RIT2: variants seen among roughly 807,000 people sequenced by gnomAD.
RIT2 encodes GTP-binding protein Rit2.
Under a neutral mutation model 23.7 loss-of-function variants are expected in RIT2, and 24 were observed. The ratio of observed to expected loss-of-function variants is 1.01; its 90% CI spans 0.73 to 1.43. The LOEUF (loss-of-function observed/expected upper bound fraction) is 1.43, where lower values mean the gene tolerates loss of function less well. Ranked by LOEUF, RIT2 falls within the 40% of genes most tolerant of loss-of-function variation. The pLI is 0.00. For synonymous variants in RIT2, 107 were observed against 91.1 expected (o/e 1.17, Z -0.99); for missense variants, 236 against 266.9 (o/e 0.88, Z 0.81).
At chr18:43,028,920 C>G (rs895101759) in intron 2 of RIT2, among the ~76,000 whole-genome samples, 1 of 151,984 alleles carries the variant, frequency 6.6e-6, no homozygotes, top group Non-Finnish European at 1.5e-5. Flanking sequence ...TAGTATTTTT[C>G]TAAATTCCTA....
At chr18:43,070,997 A>C (rs925725069) in intron 1 of RIT2, among the ~76,000 whole-genome samples, 1 of 152,178 alleles carries the variant, frequency 6.6e-6, no homozygotes, top group Non-Finnish European at 1.5e-5. Context: ...AAACAACTTA[A>C]TATAGGAACA....
intron 1 of RIT2, among the ~76,000 whole-genome samples, chr18:43,113,079 G>T (rs1913990427): frequency 6.6e-6 from 1 of 152,110 alleles, no homozygotes; most frequent in Non-Finnish European, 1.5e-5. Flanking sequence ...AGGCTCAAAT[G>T]AGATAAAATA....
intron 3 of RIT2, among the ~76,000 whole-genome samples, chr18:42,970,662 T>A (rs1031284952): frequency 6.6e-6 from 1 of 152,032 alleles, no homozygotes; most frequent in Admixed American, 6.6e-5. Context: ...GAATTTTTGA[T>A]CCTTTATGGT....
At chr18:43,029,564 G>C (rs1349546405) in intron 2 of RIT2, among the ~76,000 whole-genome samples, 2 of 151,500 alleles carry the variant, frequency 1.3e-5, no homozygotes, top group African/African-American at 2.4e-5. Context: ...AATGCAATGA[G>C]ACAAAAAAAA....
intron 1 of RIT2, among the ~76,000 whole-genome samples, chr18:43,093,460 C>A (rs1269717407): frequency 6.6e-6 from 1 of 152,042 alleles, no homozygotes; most frequent in Non-Finnish European, 1.5e-5. Flanking sequence ...TTATTACTAT[C>A]AGCAATTTAT....
intron 2 of RIT2, among the ~76,000 whole-genome samples, chr18:43,018,455 A>G (rs1160508225): frequency 6.6e-6 from 1 of 152,038 alleles, no homozygotes; most frequent in Non-Finnish European, 1.5e-5. Context: ...ATAAAAATAC[A>G]TACCATTAAA....
chr18:42,834,492 C>G (rs903026457), intron 4 of RIT2, among the ~76,000 whole-genome samples: 4 of 151,966 alleles, frequency 2.6e-5, no homozygotes, highest in Non-Finnish European at 5.9e-5. Flanking sequence ...TTATTTATAC[C>G]TGCAATGATG....
chr18:43,100,222 T>TGCTTGAAAAA (rs1211062918), intron 1 of RIT2, among the ~76,000 whole-genome samples: 1 of 152,086 alleles, frequency 6.6e-6, no homozygotes, highest in Non-Finnish European at 1.5e-5. Context: ...AGGAGAGAGA[T>TGCTTGAAAAA]GCTTGAAAAA....
chr18:43,006,012 T>A, intron 2 of RIT2, among the ~76,000 whole-genome samples: 1 of 151,694 alleles, frequency 6.6e-6, no homozygotes, highest in East Asian at 2.0e-4. Context: ...AAAGTCTTTT[T>A]CATAACAAAA....
chr18:42,757,633 G>A (rs771017593), intron 4 of RIT2, among the ~76,000 whole-genome samples: 19 of 152,140 alleles, frequency 1.2e-4, no homozygotes, highest in African/African-American at 3.9e-4. Context: ...GAAAATGTAC[G>A]TGCCTGTGCT....
intron 4 of RIT2, among the ~76,000 whole-genome samples, chr18:42,834,634 T>TTATC (rs913991097): frequency 1.3e-4 from 20 of 152,152 alleles, no homozygotes; most frequent in African/African-American, 4.8e-4. Flanking sequence ...TAAAATAAGA[T>TTATC]TATATAAAAA....
intron 4 of RIT2, among the ~76,000 whole-genome samples, chr18:42,785,504 T>C (rs1913902976): frequency 6.6e-6 from 1 of 152,034 alleles, no homozygotes; most frequent in Non-Finnish European, 1.5e-5. Flanking sequence ...CAGCTATGAC[T>C]GAGAATGTTT....
chr18:42,769,828 C>A (rs1354042851), intron 4 of RIT2, among the ~76,000 whole-genome samples: 1 of 138,968 alleles, frequency 7.2e-6, no homozygotes, highest in African/African-American at 2.6e-5. Context: ...TGCACATGTA[C>A]CCTAAAACTT....
chr18:42,804,875 G>T (rs1182631572), intron 4 of RIT2, among the ~76,000 whole-genome samples: 1 of 152,162 alleles, frequency 6.6e-6, no homozygotes, highest in Non-Finnish European at 1.5e-5. Context: ...CCCTAATCAG[G>T]CACACATGAG....
At chr18:42,815,250 T>G (rs189191361) in intron 4 of RIT2, among the ~76,000 whole-genome samples, 49 of 152,158 alleles carry the variant, frequency 3.2e-4, no homozygotes, top group Admixed American at 3.0e-3. Context: ...AAATATTCAA[T>G]GAAACAGATA....
intron 4 of RIT2, among the ~76,000 whole-genome samples, chr18:42,905,992 GTA>G (rs1259283222): frequency 5.4e-3 from 12 of 2,218 alleles, no homozygotes; most frequent in Admixed American, 0.02. Context: ...ATATATATAT[GTA>G]TATATATATA....
chr18:43,045,946 G>T, intron 1 of RIT2, among the ~76,000 whole-genome samples: 1 of 152,106 alleles, frequency 6.6e-6, no homozygotes, highest in South Asian at 2.1e-4. Context: ...GGTAATAATG[G>T]TGATAATCTT....
chr18:43,000,412 C>T (rs1473774897), intron 2 of RIT2, among the ~76,000 whole-genome samples: 1 of 152,062 alleles, frequency 6.6e-6, no homozygotes, highest in African/African-American at 2.4e-5. Context: ...TAGGACCAGA[C>T]TCAAGGGAGA....
rs559684291 is a variant in RIT2 at position 42,747,123 on chromosome 18, C to T, written c.427-3403G>A. ...GAGGAAGTAAAACTGATGCAGTTTC[C>T]TGATGATATAATTGTATACCTAGAA... is the stretch of plus-strand genomic sequence containing the variant. On this transcript the variant is annotated intron_variant, in intron 4 of 4. Coordinates refer to ENST00000326695, the MANE Select transcript of RIT2 (RefSeq NM_002930.4). Among the ~76,000 whole-genome samples the T allele has an allele frequency of 6.6e-5, 10 of 152,036 alleles. No homozygotes were observed. The East Asian group carries it at 1.9e-3, about 29-fold the overall frequency.
Sources: gnomAD v4.1 joint callset for allele counts (sites outside exome capture counted in the v4.1 genomes callset) on GRCh38, gnomAD v4.1.1 for gene constraint, MANE v1.5 for transcripts, NCBI Gene and HGNC (gene_info 2026-07-23, HGNC 2026-07-21) for gene names.